C4orf17: variants seen among roughly 807,000 people sequenced by gnomAD.
The protein encoded by C4orf17 is chromosome 4 open reading frame 17, also known as uncharacterized protein C4orf17.
C4orf17 carries 25 observed loss-of-function variants against 32.0 expected under a neutral mutation model. That is an observed-to-expected ratio of 0.78 (90% CI 0.57 to 1.09). The LOEUF (loss-of-function observed/expected upper bound fraction) is 1.09, where lower values mean the gene tolerates loss of function less well. Ranked by LOEUF, C4orf17 falls within the 50% of genes least tolerant of loss-of-function variation. The pLI is 0.00. For synonymous variants in C4orf17, 149 were observed against 145.8 expected (o/e 1.02, Z -0.16); for missense variants, 420 against 420.0 (o/e 1.00, Z 0.00).
At position 99,536,988 on chromosome 4, in the gene C4orf17, C is replaced by G. The variant is rs187943827; in HGVS notation, c.547-681C>G. On this transcript the variant is annotated intron_variant, in intron 5 of 8. Coordinates refer to ENST00000326581, the MANE Select transcript of C4orf17 (RefSeq NM_032149.3). ...CTGTTCTTCCCTCAGAACATCAGGT[C>G]ATAGGGTAAATACTAGGGACAATAG... Among the ~76,000 whole-genome samples, 7 of 152,128 alleles carry G rather than the reference C, an allele frequency of 4.6e-5. No individual in the cohort carries two copies. In the East Asian group the frequency reaches 1.4e-3, roughly 30 times the overall value.
intron 2 of C4orf17, chr4:99,519,377 A>T (rs1723247816): frequency 6.6e-6 from 1 of 152,166 alleles, no homozygotes; most frequent in South Asian, 2.1e-4. Flanking sequence ...TAGGTGGTGG[A>T]TGTACTACAG....
intron 5 of C4orf17, among the ~76,000 whole-genome samples, chr4:99,533,220 C>A (rs1723505380): frequency 6.6e-6 from 1 of 152,192 alleles, no homozygotes; most frequent in East Asian, 1.9e-4. Context: ...ATAGTTAGAA[C>A]TGTACTTTAG....
At position 99,539,320 on chromosome 4, in the gene C4orf17, T is replaced by C; in HGVS notation, c.786T>C (p.Thr262=). 1 of 1,614,074 alleles carries C rather than the reference T, an allele frequency of 6.2e-7. No homozygotes were observed. The highest frequency in any genetic ancestry group is 1.1e-5 in the South Asian group (1 of 91,076). Residue 262 remains threonine (T), a synonymous_variant, in exon 7 of 9, where the codon ACT becomes ACC. Transcript: ENST00000326581. ...PPTVKLPPNF[T]AKSKVLTRDT... Reference sequence around the variant, plus strand: ...CAGTTAAATTGCCCCCAAATTTTACTGCAAAATCAAAAGTGCTGACCAGAG... The same window carrying C: ...CAGTTAAATTGCCCCCAAATTTTACCGCAAAATCAAAAGTGCTGACCAGAG...
chr4:99,535,746 C>T (rs1723550839), intron 5 of C4orf17, among the ~76,000 whole-genome samples: 1 of 152,208 alleles, frequency 6.6e-6, no homozygotes, highest in South Asian at 2.1e-4. Flanking sequence ...ATTCAGCCAT[C>T]TCAGCCTCAG....
At chr4:99,528,776 G>C (rs1016853617) in intron 4 of C4orf17, among the ~76,000 whole-genome samples, 3 of 152,092 alleles carry the variant, frequency 2.0e-5, no homozygotes, top group Non-Finnish European at 4.4e-5. Flanking sequence ...TCACTTTCAT[G>C]GGAATGGTAT....
intron 5 of C4orf17, 127 bp downstream of exon 5, chr4:99,530,085 T>G: frequency 1.4e-6 from 1 of 719,980 alleles, no homozygotes; most frequent in Middle Eastern, 2.8e-4. Flanking sequence ...TTAAGACTGC[T>G]TAGCCTGAAA....
chr4:99,512,325 A>G (rs758728585), intron 1 of C4orf17, among the ~76,000 whole-genome samples: 4 of 152,178 alleles, frequency 2.6e-5, no homozygotes, highest in Admixed American at 2.6e-4. Flanking sequence ...TAATCCAGAA[A>G]TGTTCTTTCT....
Position 99,522,681 on chromosome 4 carries a change from T to G in C4orf17, c.309T>G (p.Gly103=), listed in dbSNP as rs1374350270. 1 of 1,613,798 alleles carries G rather than the reference T, an allele frequency of 6.2e-7. No individual in the cohort carries two copies. Among genetic ancestry groups the G allele is most frequent in the African/African-American group, 1.3e-5 (1 of 74,996 alleles). The change falls in exon 3 of 9, where the codon GGT becomes GGG. Residue 103 remains glycine, a synonymous_variant. Coordinates refer to ENST00000326581, the MANE Select transcript of C4orf17 (RefSeq NM_032149.3). ...PVRGMSPAPN[G]AKVPPRPHSE... is the part of the protein sequence containing the mutation. ...GAGGAATGTCGCCAGCCCCAAACGGTGCCAAAGTGCCTCCACGGCCTCATT... is the reference window on the plus strand; with the variant it reads ...GAGGAATGTCGCCAGCCCCAAACGGGGCCAAAGTGCCTCCACGGCCTCATT...
chr4:99,522,530 A>T lies in C4orf17; in HGVS notation c.158A>T (p.Asn53Ile). ...AATAACATTCCAATCTGTACTGTGA[A>T]TGATGATGAGAATGCATTTGGAACA... The part of the protein sequence containing the change: ...GLNNIPICTV[N>I]DDENAFGTLW... The change falls in exon 3 of 9, where the codon AAT (asparagine) becomes ATT (isoleucine). Residue 53 changes from asparagine to isoleucine, a missense_variant. Transcript: ENST00000326581. 1 of 1,613,950 alleles carries T rather than the reference A, an allele frequency of 6.2e-7. No individual in the cohort carries two copies.
At chr4:99,529,227 T>A (rs772098513) in intron 4 of C4orf17, among the ~76,000 whole-genome samples, 13 of 152,338 alleles carry the variant, frequency 8.5e-5, no homozygotes, top group Non-Finnish European at 1.6e-4. Context: ...AAGGCTTCTG[T>A]AACTCTTCAT....
At chr4:99,537,614 T>C in intron 5 of C4orf17, 55 bp from the exon 6 acceptor site, 1 of 1,258,446 alleles carries the variant, frequency 7.9e-7, no homozygotes, top group Non-Finnish European at 1.2e-6. Flanking sequence ...AAAGGAAAAC[T>C]GATAAGCCTT....
rs1723086402 is a variant in C4orf17 at position 99,511,118 on chromosome 4, T to C, written c.-248T>C. 1 of 152,114 alleles carries C rather than the reference T, an allele frequency of 6.6e-6. No individual in the cohort carries two copies. The highest frequency in any genetic ancestry group is 1.5e-5 in the Non-Finnish European group (1 of 67,996). The allele number at this position is 152,114 out of a possible 1,614,324, so 9.4% of individuals were successfully genotyped here. ...TGTATTCTTTTGGAAGCGTTCGAGA[T>C]TGGTCTGTCTCTACCAACTAAAAAC... On this transcript the variant is annotated 5_prime_UTR_variant, in exon 1 of 9. Coordinates refer to ENST00000326581, the MANE Select transcript of C4orf17 (RefSeq NM_032149.3).
chr4:99,527,702 C>T (rs548008966), intron 4 of C4orf17, among the ~76,000 whole-genome samples: 141 of 152,358 alleles, frequency 9.3e-4, no homozygotes, highest in African/African-American at 3.3e-3. Context: ...TGCTCACATT[C>T]TGCTGTGCAG....
chr4:99,540,978 G>A (rs1267375037), intron 8 of C4orf17: 1 of 152,590 alleles, frequency 6.6e-6, no homozygotes, highest in Non-Finnish European at 1.5e-5. Flanking sequence ...CAAGAATTGT[G>A]GAAAGTCCTA....
chr4:99,534,292 A>C (rs1050202634), intron 5 of C4orf17, among the ~76,000 whole-genome samples: 5 of 152,048 alleles, frequency 3.3e-5, no homozygotes, highest in African/African-American at 1.2e-4. Flanking sequence ...ACCTCCATCT[A>C]TGTCCTTGCA....
At chr4:99,540,604 G>A (rs1481484798) in intron 8 of C4orf17, 149 bp downstream of exon 8, 7 of 564,246 alleles carry the variant, frequency 1.2e-5, no homozygotes, top group Non-Finnish European at 6.4e-6. Context: ...GAGAGCATCT[G>A]CTTACTTTCT....
Position 99,522,707 on chromosome 4 carries a change from C to T in C4orf17, c.335C>T (p.Ser112Phe). The T allele has an allele frequency of 6.2e-7, 1 of 1,612,294 alleles. No individual in the cohort carries two copies. The highest frequency in any genetic ancestry group is 8.5e-7 in the Non-Finnish European group (1 of 1,179,048). Reference protein sequence around the residue: ...NGAKVPPRPHSEPSRKIKECF... With the variant: ...NGAKVPPRPHFEPSRKIKECF... ...GCCAAAGTGCCTCCACGGCCTCATT[C>T]TGGTGAGTTGAGTTAGAACTGATGA... The change falls in exon 3 of 9, where the codon TCT becomes TTT. Residue 112 changes from serine (S) to phenylalanine (F), a missense_variant and splice_region_variant. Ser to Phe is a radical substitution (Grantham distance 155, BLOSUM62 -2). Coordinates refer to ENST00000326581, the MANE Select transcript of C4orf17 (RefSeq NM_032149.3).
At chr4:99,528,048 A>G (rs979321714) in intron 4 of C4orf17, among the ~76,000 whole-genome samples, 1 of 152,122 alleles carries the variant, frequency 6.6e-6, no homozygotes, top group Non-Finnish European at 1.5e-5. Context: ...GTTTTTGGTA[A>G]TCTATTCTTT....
At chr4:99,538,836 T>C (rs983748150) in intron 6 of C4orf17, among the ~76,000 whole-genome samples, 26 of 152,374 alleles carry the variant, frequency 1.7e-4, no homozygotes, top group Middle Eastern at 3.4e-3. Flanking sequence ...ATTACCCTTC[T>C]TATTTTTGTA....
Sources: allele counts gnomAD v4.1 joint callset (sites outside exome capture counted in the v4.1 genomes callset), GRCh38; gene constraint gnomAD v4.1.1; transcripts MANE v1.5; gene names NCBI Gene and HGNC (gene_info 2026-07-23, HGNC 2026-07-21).